CBLB: variants seen among roughly 807,000 people sequenced by gnomAD.
CBLB encodes E3 ubiquitin-protein ligase CBL-B.
Under a neutral mutation model 104.9 loss-of-function variants are expected in CBLB, and 31 were observed. That is an observed-to-expected ratio of 0.30 (90% CI 0.22 to 0.40). The LOEUF (loss-of-function observed/expected upper bound fraction) is 0.40. Ranked by LOEUF, CBLB falls within the 10% of genes least tolerant of loss-of-function variation. CBLB has a pLI of 1.00. For synonymous variants in CBLB, 440 were observed against 422.6 expected (o/e 1.04, Z -0.51); for missense variants, 1,062 against 1,214.6 (o/e 0.87, Z 1.87).
At chr3:105,775,979 T>C (rs1218781116) in intron 4 of CBLB, among the ~76,000 whole-genome samples, 1 of 152,178 alleles carries the variant, frequency 6.6e-6, no homozygotes, top group Non-Finnish European at 1.5e-5. Context: ...TGATCACTGA[T>C]CCCAAAGCAA....
At position 105,726,715 on chromosome 3, in the gene CBLB, G is replaced by A. The variant is rs546438171; in HGVS notation, c.1204-6465C>T. Among the ~76,000 whole-genome samples the A allele has an allele frequency of 2.0e-4, 30 of 152,060 alleles. No homozygotes were observed. In the South Asian group the frequency reaches 4.8e-3, roughly 24 times the overall value. ...CTATCCCTCCCCTTGCCCCCCAGCCGCTGACAGACCCTGGTGTGTGATGTT... is the reference window on the plus strand; with the variant it reads ...CTATCCCTCCCCTTGCCCCCCAGCCACTGACAGACCCTGGTGTGTGATGTT... On this transcript the variant is annotated intron_variant, in intron 9 of 18. Coordinates refer to ENST00000394030, the MANE Select transcript of CBLB (RefSeq NM_170662.5).
At chr3:105,739,387 A>G (rs1162581021) in intron 7 of CBLB, among the ~76,000 whole-genome samples, 1 of 152,176 alleles carries the variant, frequency 6.6e-6, no homozygotes. Flanking sequence ...TTCATACTGC[A>G]GCGAGTTTGA....
At chr3:105,664,598 G>A (rs959512170) in intron 18 of CBLB, among the ~76,000 whole-genome samples, 1 of 152,040 alleles carries the variant, frequency 6.6e-6, no homozygotes, top group Non-Finnish European at 1.5e-5. Flanking sequence ...TCCAATGCGT[G>A]TATAATATGC....
intron 3 of CBLB, among the ~76,000 whole-genome samples, chr3:105,841,926 A>T (rs1025408492): frequency 6.6e-6 from 1 of 152,152 alleles, no homozygotes; most frequent in Non-Finnish European, 1.5e-5. Context: ...CATGTCTTGC[A>T]ACCAGATACT....
At chr3:105,713,886 T>C (rs1001142057) in intron 10 of CBLB, among the ~76,000 whole-genome samples, 1 of 152,146 alleles carries the variant, frequency 6.6e-6, no homozygotes, top group Non-Finnish European at 1.5e-5. Flanking sequence ...TTGCAGGATA[T>C]TTAGTATCTC....
chr3:105,736,896 C>T (rs906077703), intron 8 of CBLB, among the ~76,000 whole-genome samples: 1 of 152,038 alleles, frequency 6.6e-6, no homozygotes, highest in African/African-American at 2.4e-5. Flanking sequence ...TAAACTATGG[C>T]TCTCTCCTTA....
At chr3:105,796,287 C>T (rs922736451) in intron 3 of CBLB, among the ~76,000 whole-genome samples, 4 of 152,008 alleles carry the variant, frequency 2.6e-5, no homozygotes, top group Admixed American at 6.6e-5. Flanking sequence ...AGAAATAGTA[C>T]CTCACACCTA....
chr3:105,764,938 C>T (rs866288137), intron 4 of CBLB, among the ~76,000 whole-genome samples: 1 of 152,214 alleles, frequency 6.6e-6, no homozygotes, highest in Non-Finnish European at 1.5e-5. Flanking sequence ...AAGGCCCCAA[C>T]TCGCTTCAAT....
chr3:105,849,955 G>A (rs1295717931), intron 3 of CBLB, among the ~76,000 whole-genome samples: 1 of 152,094 alleles, frequency 6.6e-6, no homozygotes, highest in Non-Finnish European at 1.5e-5. Context: ...TTCTTGAAAA[G>A]TGTACAAGAA....
intron 11 of CBLB, 109 bp downstream of exon 11, chr3:105,703,879 A>C: frequency 2.1e-6 from 2 of 948,150 alleles, no homozygotes; most frequent in Non-Finnish European, 3.3e-6. Context: ...CATCAAACTT[A>C]TTCACAATTA....
Position 105,678,513 on chromosome 3 carries a change from C to A in CBLB, c.2487G>T (p.Arg829Ser), listed in dbSNP as rs776863118. 3.1e-6 allele frequency: 5 copies of A among 1,613,758 alleles called. No homozygotes were observed. The Admixed American group carries it at 5.0e-5, about 16-fold the overall frequency. Residue 829 changes from arginine to serine, a missense_variant, in exon 17 of 19, where the codon AGG becomes AGT. Transcript: ENST00000394030. The stretch of plus-strand genomic sequence containing the variant: ...GTTTTGAATGTTCAATGAGACTATG[C>A]CTTGCAGGAGGTGGGGGAGGTGGGA... Reference protein sequence around the residue: ...PSLPPPPPPARHSLIEHSKPP... With the variant: ...PSLPPPPPPASHSLIEHSKPP...
intron 3 of CBLB, among the ~76,000 whole-genome samples, chr3:105,822,285 T>C (rs1043372381): frequency 1.3e-5 from 2 of 152,300 alleles, no homozygotes; most frequent in East Asian, 3.9e-4. Context: ...GCTGGCTGAA[T>C]GTGAAAGAAA....
intron 9 of CBLB, among the ~76,000 whole-genome samples, chr3:105,725,124 A>T (rs1034925916): frequency 1.3e-5 from 2 of 152,222 alleles, no homozygotes; most frequent in South Asian, 2.1e-4. Flanking sequence ...TATCAAAATT[A>T]AAAAAACTAC....
At chr3:105,723,023 T>C (rs1348796775) in intron 9 of CBLB, among the ~76,000 whole-genome samples, 3 of 152,180 alleles carry the variant, frequency 2.0e-5, no homozygotes, top group Non-Finnish European at 2.9e-5. Context: ...GCAATGACCA[T>C]TAATTTTGAT....
chr3:105,735,735 G>T (rs1237206173), intron 8 of CBLB, among the ~76,000 whole-genome samples: 1 of 152,100 alleles, frequency 6.6e-6, no homozygotes, highest in Non-Finnish European at 1.5e-5. Context: ...TGGATCACCT[G>T]AGGTCAGGAG....
intron 13 of CBLB, among the ~76,000 whole-genome samples, chr3:105,686,054 A>G (rs902104524): frequency 7.2e-5 from 11 of 152,196 alleles, no homozygotes; most frequent in Admixed American, 2.6e-4. Context: ...TTAGATGTAG[A>G]TAATGAGAGA....
At chr3:105,738,792 C>T (rs945959919) in intron 7 of CBLB, among the ~76,000 whole-genome samples, 13 of 151,666 alleles carry the variant, frequency 8.6e-5, no homozygotes, top group African/African-American at 2.9e-4. Flanking sequence ...TATAAATAAC[C>T]GACACTAGCA....
intron 3 of CBLB, among the ~76,000 whole-genome samples, chr3:105,847,056 G>T (rs1241738929): frequency 1.3e-5 from 2 of 151,972 alleles, no homozygotes; most frequent in Non-Finnish European, 2.9e-5. Flanking sequence ...TTGTTTTGTT[G>T]TTGCTCTTGT....
intron 13 of CBLB, 68 bp from the exon 14 acceptor site, chr3:105,685,534 A>C: frequency 7.8e-7 from 1 of 1,287,358 alleles, no homozygotes; most frequent in Non-Finnish European, 1.1e-6. Flanking sequence ...CTGATGTGAC[A>C]TATTCAAGTC....
Sources: gnomAD v4.1 joint callset for allele counts (sites outside exome capture counted in the v4.1 genomes callset) on GRCh38, gnomAD v4.1.1 for gene constraint, MANE v1.5 for transcripts, NCBI Gene and HGNC (gene_info 2026-07-23, HGNC 2026-07-21) for gene names.